The following ZZZ3 variants were observed in gnomAD, a reference collection of about 807,000 sequenced individuals.
ZZZ3 encodes ZZ-type zinc finger-containing protein 3.
In ZZZ3, 22 loss-of-function variants were observed where a neutral mutation model predicts 95.2. The ratio of observed to expected loss-of-function variants is 0.23; its 90% CI spans 0.17 to 0.33. The LOEUF is 0.33. ZZZ3 is among the 10% of genes least tolerant of loss of function. The pLI is 1.00. For missense variants in ZZZ3, 885 were observed against 1,066.5 expected, an observed-to-expected ratio of 0.83 and a Z score of 2.37; for synonymous variants, 335 against 358.9, an observed-to-expected ratio of 0.93 and a Z score of 0.75.
rs1660547294 is a variant in ZZZ3 at position 77,563,033 on chromosome 1, TATC to T, written c.*2604_*2606del. 6.6e-6 allele frequency: 1 copy of T among 152,222 alleles called. No homozygotes were observed. The highest frequency in any genetic ancestry group is 2.4e-5 in the African/African-American group (1 of 41,468). The allele number at this position is 152,222 out of a possible 1,614,324, so 9.4% of individuals were successfully genotyped here. A position where few individuals can be genotyped will look rare whatever the true frequency, so the allele number is the denominator to read the frequency against. ...CCTCATAGAGTTGTTAAGAATTAGT[TATC>T]ATATGCTTGCTTGGCACATAGTAAA... On this transcript the variant is annotated 3_prime_UTR_variant, in exon 15 of 15. Coordinates refer to ENST00000370801, the MANE Select transcript of ZZZ3 (RefSeq NM_015534.6).
intron 5 of ZZZ3, among the ~76,000 whole-genome samples, chr1:77,622,125 C>A (rs1225700161): frequency 3.5e-5 from 5 of 142,610 alleles, no homozygotes; most frequent in Admixed American, 7.0e-5. Flanking sequence ...CATAATGAGG[C>A]CTTGTCTCCA....
chr1:77,651,705 A>G (rs1050493308), intron 1 of ZZZ3, among the ~76,000 whole-genome samples: 2 of 152,308 alleles, frequency 1.3e-5, no homozygotes, highest in South Asian at 4.2e-4. Flanking sequence ...TAATGCCACT[A>G]AACTGTAACC....
rs983635390 is a variant in ZZZ3, at chr1:77,580,871, C to G, written c.1980+127G>C. On this transcript the variant is annotated intron_variant, in intron 9 of 14. Transcript: ENST00000370801. ...GAACTCCTGACTTCAAGTGATCCAC[C>G]CATATCAGCCTCCCAAAGTGCTGGG... 4 of 754,858 alleles carry G rather than the reference C, an allele frequency of 5.3e-6. No individual in the cohort carries two copies. The African/African-American group carries it at 6.9e-5, about 13-fold the overall frequency. The allele number at this position is 754,858 out of a possible 1,614,324, so 46.8% of individuals were successfully genotyped here.
chr1:77,619,336 A>G (rs1666625839), intron 5 of ZZZ3, among the ~76,000 whole-genome samples: 2 of 152,186 alleles, frequency 1.3e-5, no homozygotes, highest in African/African-American at 4.8e-5. Flanking sequence ...AAGACACAGC[A>G]CATGTCATTT....
chr1:77,628,138 T>C (rs1191838505), intron 5 of ZZZ3, among the ~76,000 whole-genome samples: 1 of 152,208 alleles, frequency 6.6e-6, no homozygotes, highest in Non-Finnish European at 1.5e-5. Flanking sequence ...GCAAGGTCAA[T>C]TCCGAAACAG....
At chr1:77,655,491 T>C (rs375782050) in intron 1 of ZZZ3, among the ~76,000 whole-genome samples, 1 of 152,210 alleles carries the variant, frequency 6.6e-6, no homozygotes, top group East Asian at 1.9e-4. Context: ...AACTGGGCCG[T>C]TGCCAACACT....
At chr1:77,576,850 G>A (rs1301670248) in intron 11 of ZZZ3, among the ~76,000 whole-genome samples, 3 of 152,114 alleles carry the variant, frequency 2.0e-5, no homozygotes, top group Non-Finnish European at 2.9e-5. Context: ...CAAAGCTGTC[G>A]TGGGCCACAT....
chr1:77,618,839 C>T (rs1461193254), intron 5 of ZZZ3, among the ~76,000 whole-genome samples: 2 of 152,104 alleles, frequency 1.3e-5, no homozygotes, highest in Non-Finnish European at 2.9e-5. Context: ...GTTTTTTAAT[C>T]ACATTATTAT....
In ZZZ3 at chr1:77,592,453, C is replaced by T. The variant is rs1327135126; in HGVS notation, c.1506-7798G>A. Among the ~76,000 whole-genome samples, 3 of 152,082 alleles carry T rather than the reference C, an allele frequency of 2.0e-5. No individual in the cohort carries two copies. The East Asian group carries it at 5.8e-4, about 29-fold the overall frequency. On this transcript the variant is annotated intron_variant, in intron 5 of 14. Coordinates refer to ENST00000370801, the MANE Select transcript of ZZZ3 (RefSeq NM_015534.6). ...AGTAGCTGGGATTACAGGTGCACACCACCACGCCTGGCTATTTTTTGTATT... is the reference window on the plus strand; with the variant it reads ...AGTAGCTGGGATTACAGGTGCACACTACCACGCCTGGCTATTTTTTGTATT...
chr1:77,595,503 C>T (rs1206844377), intron 5 of ZZZ3, among the ~76,000 whole-genome samples: 1 of 152,022 alleles, frequency 6.6e-6, no homozygotes, highest in Non-Finnish European at 1.5e-5. Flanking sequence ...TTAGTTTCCT[C>T]TTCTACAAAA....
At chr1:77,630,672 A>ACTAT (rs1667724944) in intron 5 of ZZZ3, among the ~76,000 whole-genome samples, 1 of 152,212 alleles carries the variant, frequency 6.6e-6, no homozygotes, top group African/African-American at 2.4e-5. Context: ...GATGACATGA[A>ACTAT]CTATCAAATA....
chr1:77,665,616 G>T (rs1017845730), intron 1 of ZZZ3, among the ~76,000 whole-genome samples: 8 of 152,102 alleles, frequency 5.3e-5, no homozygotes, highest in Non-Finnish European at 1.0e-4. Context: ...TGAATATTTA[G>T]CTTGGTTAAT....
chr1:77,653,561 C>T (rs1669998031), intron 1 of ZZZ3, among the ~76,000 whole-genome samples: 1 of 151,806 alleles, frequency 6.6e-6, no homozygotes, highest in Non-Finnish European at 1.5e-5. Context: ...CAAGACCAGC[C>T]TGACCGACAT....
chr1:77,647,981 A>G lies in ZZZ3; in HGVS notation c.-402-6326T>C, dbSNP rs1669446480. Among the ~76,000 whole-genome samples, 3 of 152,334 alleles carry G rather than the reference A, an allele frequency of 2.0e-5. No homozygotes were observed. In the South Asian group the frequency reaches 6.2e-4, roughly 32 times the overall value. Reference sequence around the variant, plus strand: ...CCAGTGAACTCCACTGTGTCCCAGAACACAGGCCAAGAATATTTATGGGAA... The same window carrying G: ...CCAGTGAACTCCACTGTGTCCCAGAGCACAGGCCAAGAATATTTATGGGAA... On this transcript the variant is annotated intron_variant, in intron 1 of 14. Transcript: ENST00000370801.
At chr1:77,670,666 A>C (rs1430321143) in intron 1 of ZZZ3, among the ~76,000 whole-genome samples, 1 of 152,074 alleles carries the variant, frequency 6.6e-6, no homozygotes, top group African/African-American at 2.4e-5. Flanking sequence ...TGGATGGATA[A>C]CAACACCTTG....
At chr1:77,590,813 G>T (rs1344791320) in intron 5 of ZZZ3, among the ~76,000 whole-genome samples, 1 of 152,202 alleles carries the variant, frequency 6.6e-6, no homozygotes, top group East Asian at 1.9e-4. Context: ...GATATTTGCG[G>T]AAGTATGAGT....
chr1:77,649,643 G>A (rs1669619924), intron 1 of ZZZ3, among the ~76,000 whole-genome samples: 1 of 152,152 alleles, frequency 6.6e-6, no homozygotes, highest in South Asian at 2.1e-4. Flanking sequence ...AACACTTTGG[G>A]AGGCCAAGGT....
intron 5 of ZZZ3, among the ~76,000 whole-genome samples, chr1:77,594,841 C>G (rs1197965573): frequency 6.8e-6 from 1 of 146,138 alleles, no homozygotes; most frequent in East Asian, 2.0e-4. Flanking sequence ...TAACATTTAA[C>G]TACATAAACA....
At chr1:77,641,480 T>C (rs1306523747) in intron 2 of ZZZ3, 34 bp from the exon 3 acceptor site, 1 of 397,934 alleles carries the variant, frequency 2.5e-6, no homozygotes, top group Non-Finnish European at 4.4e-6. Context: ...TACTTCTAAC[T>C]AAACCCCACA....
Sources: allele counts gnomAD v4.1 joint callset (sites outside exome capture counted in the v4.1 genomes callset), GRCh38; gene constraint gnomAD v4.1.1; transcripts MANE v1.5; gene names NCBI Gene and HGNC (gene_info 2026-07-23, HGNC 2026-07-21).